The following TRMT13 variants were observed in gnomAD, a reference collection of about 807,000 sequenced individuals.
TRMT13 encodes tRNA methyltransferase 13.
TRMT13 carries 45 observed loss-of-function variants against 55.9 expected under a neutral mutation model. That is an observed-to-expected ratio of 0.80 (90% CI 0.63 to 1.03). The LOEUF is 1.03. Ranked by LOEUF, TRMT13 falls within the 50% of genes least tolerant of loss-of-function variation. The probability of loss-of-function intolerance (pLI) is 0.00; values close to 1 mark genes in which losing one functional copy is unlikely to be tolerated. For missense variants in TRMT13, 513 were observed against 563.9 expected, an observed-to-expected ratio of 0.91 and a Z score of 0.91; for synonymous variants, 183 against 196.3, an observed-to-expected ratio of 0.93 and a Z score of 0.57.
Position 100,148,271 on chromosome 1 carries a change from G to C in TRMT13, c.1195G>C (p.Glu399Gln). The C allele has an allele frequency of 6.2e-7, 1 of 1,614,178 alleles. No individual in the cohort carries two copies. Among genetic ancestry groups the C allele is most frequent in the Non-Finnish European group, 8.5e-7 (1 of 1,180,028 alleles). The change falls in exon 10 of 11, where the codon GAG becomes CAG. Residue 399 changes from glutamate (E) to glutamine (Q), a missense_variant. By Grantham distance (29) the Glu-to-Gln change is conservative. This residue lies in a region of TRMT13 where 209 missense variants were observed against 255.8 expected (regional missense o/e 0.82). Coordinates refer to ENST00000370141, the MANE Select transcript of TRMT13 (RefSeq NM_019083.3). ...RQDNQNDDSE[E>Q]HDDGGYRITD... is the part of the protein sequence containing the mutation. Reference sequence around the variant, plus strand: ...AGATAATCAGAATGATGATAGTGAAGAGCATGATGATGGAGGATACAGAAT... The same window carrying C: ...AGATAATCAGAATGATGATAGTGAACAGCATGATGATGGAGGATACAGAAT...
intron 8 of TRMT13, among the ~76,000 whole-genome samples, chr1:100,143,725 C>T (rs1485315425): frequency 1.3e-5 from 2 of 152,078 alleles, no homozygotes; most frequent in African/African-American, 4.8e-5. Flanking sequence ...CTCTGTAGTG[C>T]CCTTTTTATA....
chr1:100,133,443 T>G, intron 1 of TRMT13, 128 bp downstream of exon 1: 1 of 1,175,738 alleles, frequency 8.5e-7, no homozygotes, highest in South Asian at 1.6e-5. Flanking sequence ...GCTTTCACTT[T>G]AATAAACCCA....
chr1:100,148,622 T>G lies in TRMT13; in HGVS notation c.1251-3T>G. The G allele has an allele frequency of 6.3e-7, 1 of 1,597,534 alleles. No individual in the cohort carries two copies. The highest frequency in any genetic ancestry group is 8.5e-7 in the Non-Finnish European group (1 of 1,175,890). ...ATGTTTTGTGTGTGTTTATTCAATTTAGGCTTCTTAGTGTTGAAGAAAAGA... is the reference window on the plus strand; with the variant it reads ...ATGTTTTGTGTGTGTTTATTCAATTGAGGCTTCTTAGTGTTGAAGAAAAGA... On this transcript the variant is annotated splice_polypyrimidine_tract_variant and splice_region_variant and intron_variant, in intron 10 of 10. Coordinates refer to ENST00000370141, the MANE Select transcript of TRMT13 (RefSeq NM_019083.3).
chr1:100,133,411 C>T, intron 1 of TRMT13, 96 bp downstream of exon 1: 2 of 1,385,726 alleles, frequency 1.4e-6, no homozygotes, highest in Non-Finnish European at 1.9e-6. Context: ...CAGCTTTCTG[C>T]TTGTGTCCCC....
At chr1:100,134,988 CAT>C in intron 1 of TRMT13, among the ~76,000 whole-genome samples, 1 of 152,282 alleles carries the variant, frequency 6.6e-6, no homozygotes, top group South Asian at 2.1e-4. Context: ...TGACACCACT[CAT>C]TTTTACCCAG....
intron 4 of TRMT13, 67 bp downstream of exon 4, chr1:100,139,778 G>A (rs1656363796): frequency 1.0e-6 from 1 of 997,744 alleles, no homozygotes. Flanking sequence ...ATGTGAATAA[G>A]GCATGTTCTA....
intron 1 of TRMT13, among the ~76,000 whole-genome samples, chr1:100,134,133 A>C (rs1000600505): frequency 2.0e-5 from 3 of 152,172 alleles, no homozygotes; most frequent in African/African-American, 7.2e-5. Context: ...CTGGAATGGG[A>C]AGGAAAGATT....
intron 9 of TRMT13, among the ~76,000 whole-genome samples, chr1:100,147,596 T>G (rs1156916169): frequency 6.6e-6 from 1 of 152,156 alleles, no homozygotes; most frequent in Non-Finnish European, 1.5e-5. Flanking sequence ...GTAGGAAAAG[T>G]GAGAGACAAT....
intron 6 of TRMT13, 141 bp downstream of exon 6, chr1:100,140,655 T>A: frequency 1.2e-6 from 1 of 852,092 alleles, no homozygotes; most frequent in Non-Finnish European, 1.8e-6. Context: ...TATAGAAACA[T>A]ATACAAAAAA....
intron 9 of TRMT13, among the ~76,000 whole-genome samples, chr1:100,146,150 C>T (rs1410535420): frequency 6.6e-6 from 1 of 152,138 alleles, no homozygotes; most frequent in East Asian, 1.9e-4. Flanking sequence ...AATTTTTACT[C>T]ATCCTTCACC....
chr1:100,140,849 C>T lies in TRMT13; in HGVS notation c.502-3C>T. Reference sequence around the variant, plus strand: ...TTATAAAATAATCTTGTGAAGTTTGCAGGCTTCTATTTTAGGTAACATTGA... The same window carrying T: ...TTATAAAATAATCTTGTGAAGTTTGTAGGCTTCTATTTTAGGTAACATTGA... On this transcript the variant is annotated splice_region_variant and splice_polypyrimidine_tract_variant and intron_variant, in intron 6 of 10. Coordinates refer to ENST00000370141, the MANE Select transcript of TRMT13 (RefSeq NM_019083.3). 1 of 1,608,362 alleles carries T rather than the reference C, an allele frequency of 6.2e-7. No homozygotes were observed.
intron 6 of TRMT13, 63 bp from the exon 7 acceptor site, chr1:100,140,789 G>A (rs1656515701): frequency 6.8e-7 from 1 of 1,472,316 alleles, no homozygotes; most frequent in Non-Finnish European, 9.3e-7. Flanking sequence ...TTACCTTGCT[G>A]TTTTCCCATT....
intron 3 of TRMT13, among the ~76,000 whole-genome samples, chr1:100,137,597 C>A (rs1278119604): frequency 6.6e-6 from 1 of 152,140 alleles, no homozygotes; most frequent in Admixed American, 6.5e-5. Flanking sequence ...TAAGGGCTGC[C>A]ATGCGATCCA....
At chr1:100,136,952 T>A (rs542573757) in intron 2 of TRMT13, 24 bp downstream of exon 2, 1 of 1,600,378 alleles carries the variant, frequency 6.2e-7, no homozygotes, top group East Asian at 2.2e-5. Flanking sequence ...AGATACGGGT[T>A]TTTTTTTGTG....
chr1:100,135,729 C>T (rs1195229695), intron 1 of TRMT13, among the ~76,000 whole-genome samples: 1 of 152,120 alleles, frequency 6.6e-6, no homozygotes, highest in Non-Finnish European at 1.5e-5. Context: ...TGTTATATGA[C>T]CCCTATTTAT....
In TRMT13 at chr1:100,133,225, C is replaced by A; in HGVS notation, c.57C>A (p.Cys19Ter). The change falls in exon 1 of 11, where the codon TGC becomes TGA. Residue 19 changes from cysteine (C) to a stop codon, truncating the protein, a stop_gained. Transcript: ENST00000370141. LOFTEE classifies it high-confidence loss of function. ...CTGGTTTTCCAGCTGAGGGTAGATG[C>A]GGTTACTATGTGGAAAAGAAGAAAC... ...HAPGFPAEGR[C>*]GYYVEKKKRF... is the part of the protein sequence containing the mutation. 1 of 1,614,076 alleles carries A rather than the reference C, an allele frequency of 6.2e-7. No homozygotes were observed. Among genetic ancestry groups the A allele is most frequent in the Non-Finnish European group, 8.5e-7 (1 of 1,180,034 alleles).
intron 7 of TRMT13, 73 bp from the exon 8 acceptor site, chr1:100,143,064 A>G (rs1256185240): frequency 6.7e-6 from 7 of 1,050,638 alleles, no homozygotes; most frequent in Non-Finnish European, 9.7e-6. Flanking sequence ...AAAACCAATA[A>G]AAATCTTTTT....
chr1:100,144,316 TC>T (rs1246137084), intron 9 of TRMT13, 173 bp downstream of exon 9: 2 of 538,418 alleles, frequency 3.7e-6, no homozygotes, highest in Non-Finnish European at 6.6e-6. Context: ...ATTTATCTGC[TC>T]ATATTGGCCA....
chr1:100,144,511 C>T (rs1311482606), intron 9 of TRMT13: 1 of 154,094 alleles, frequency 6.5e-6, no homozygotes, highest in African/African-American at 2.4e-5. Flanking sequence ...ACCTCTTCTA[C>T]TAAAAGACTA....
Sources: allele counts gnomAD v4.1 joint callset (sites outside exome capture counted in the v4.1 genomes callset), GRCh38; gene constraint gnomAD v4.1.1; regional missense constraint gnomAD v4.1.1; transcripts MANE v1.5; gene names NCBI Gene and HGNC (gene_info 2026-07-23, HGNC 2026-07-21).